Variants in PIWIL3 observed in about 807,000 individuals in gnomAD.
PIWIL3 encodes piwi-like protein 3.
PIWIL3 carries 101 observed loss-of-function variants against 109.7 expected under a neutral mutation model. That is an observed-to-expected ratio of 0.92 (90% CI 0.78 to 1.09). The LOEUF is 1.09. PIWIL3 is among the 50% of genes least tolerant of loss of function. PIWIL3 has a pLI of 0.00. For synonymous variants in PIWIL3, 373 were observed against 376.4 expected, an observed-to-expected ratio of 0.99 and a Z score of 0.10; for missense variants, 1,031 against 1,072.6, an observed-to-expected ratio of 0.96 and a Z score of 0.54.
rs766328237 is a variant in PIWIL3, at chr22:24,725,472, C to T, written c.2053G>A (p.Val685Met). ...CVIQKTGEEL[V>M]KELEICLKAA... The stretch of plus-strand genomic sequence containing the variant: ...TTCAAGCAGATCTCCAGCTCTTTCA[C>T]AAGCTCTTCTCCTGTTTTCTGGATG... The change falls in exon 17 of 21, where the codon GTG (valine) becomes ATG (methionine). Residue 685 changes from valine to methionine, a missense_variant. Val to Met is a conservative substitution (Grantham distance 21, BLOSUM62 1). Coordinates refer to ENST00000616349, the MANE Select transcript of PIWIL3 (RefSeq NM_001255975.1). The T allele has an allele frequency of 2.5e-6, 4 of 1,614,072 alleles. No individual in the cohort carries two copies. The highest frequency in any genetic ancestry group is 2.2e-5 in the South Asian group (2 of 91,084).
At chr22:24,749,898 T>C in intron 9 of PIWIL3, 79 bp from the exon 10 acceptor site, 3 of 1,603,310 alleles carry the variant, frequency 1.9e-6, no homozygotes, top group Non-Finnish European at 2.6e-6. Flanking sequence ...AAAGTGCATG[T>C]GTGGGACTAC....
At chr22:24,757,865 A>C (rs936954699) in intron 4 of PIWIL3, 43 bp downstream of exon 4, 2 of 1,550,902 alleles carry the variant, frequency 1.3e-6, no homozygotes, top group South Asian at 2.5e-5. Flanking sequence ...AAAAAAGTTA[A>C]AAACGAACAG....
In PIWIL3 at chr22:24,734,171, T is replaced by C. The variant is rs372523393; in HGVS notation, c.1635-15A>G. 2.5e-6 allele frequency: 4 copies of C among 1,608,582 alleles called. No homozygotes were observed. The East Asian group carries it at 6.7e-5, about 27-fold the overall frequency. ...CTACTTCAATCCTAAAAAATAAATA[T>C]AGCATCCACATCCAAAAGATACCAA... On this transcript the variant is annotated splice_polypyrimidine_tract_variant and intron_variant, in intron 13 of 20. Coordinates refer to ENST00000616349, the MANE Select transcript of PIWIL3 (RefSeq NM_001255975.1).
At chr22:24,770,156 G>T (rs985139189) in intron 1 of PIWIL3, among the ~76,000 whole-genome samples, 4 of 152,174 alleles carry the variant, frequency 2.6e-5, no homozygotes, top group Admixed American at 2.6e-4. Context: ...CTTTGTGAAG[G>T]GGGCAGTGAA....
Position 24,734,112 on chromosome 22 carries a change from C to T in PIWIL3, c.1679G>A (p.Arg560Gln), listed in dbSNP as rs149915066. 52 of 1,612,222 alleles carry T rather than the reference C, an allele frequency of 3.2e-5. No individual in the cohort carries two copies. The highest frequency in any genetic ancestry group is 3.9e-5 in the Non-Finnish European group (46 of 1,179,412). ...GDANSYIDTL[R>Q]KYTRPTLQMV... Reference sequence around the variant, plus strand: ...CTGCAGTGTTGGTCTAGTATATTTCCGTAATGTGTCTATATAGGAGTTAGC... The same window carrying T: ...CTGCAGTGTTGGTCTAGTATATTTCTGTAATGTGTCTATATAGGAGTTAGC... Residue 560 changes from arginine to glutamine, a missense_variant, in exon 14 of 21, where the codon CGG (arginine) becomes CAG (glutamine). By Grantham distance (43) the Arg-to-Gln change is conservative. Transcript: ENST00000616349.
chr22:24,734,245 T>G, intron 13 of PIWIL3, 89 bp from the exon 14 acceptor site: 1 of 1,514,664 alleles, frequency 6.6e-7, no homozygotes, highest in South Asian at 1.4e-5. Context: ...AAGTAAGACA[T>G]GATAAAATAC....
rs141862186 is a variant in PIWIL3, at chr22:24,733,516, A to G, written c.1707+568T>C. On this transcript the variant is annotated intron_variant, in intron 14 of 20. Coordinates refer to ENST00000616349, the MANE Select transcript of PIWIL3 (RefSeq NM_001255975.1). ...GACCAGTCTGGCCAACCTCATCTCT[A>G]TTAAAAATATAAAAATTAGCTGGGC... Among the ~76,000 whole-genome samples, 109 of 152,138 alleles carry G rather than the reference A, an allele frequency of 7.2e-4. 1 individual carries two copies. The highest frequency in any genetic ancestry group is 2.4e-3 in the African/African-American group (99 of 41,514).
intron 8 of PIWIL3, among the ~76,000 whole-genome samples, chr22:24,752,412 G>T (rs1213351461): frequency 6.6e-6 from 1 of 152,094 alleles, no homozygotes; most frequent in Admixed American, 6.5e-5. Context: ...CATAATGAAA[G>T]ATTAGGGTGG....
intron 13 of PIWIL3, among the ~76,000 whole-genome samples, chr22:24,735,345 T>C (rs968187481): frequency 1.3e-5 from 2 of 152,174 alleles, no homozygotes; most frequent in African/African-American, 2.4e-5. Context: ...TGGGGGAGGC[T>C]ATGCATTATT....
intron 12 of PIWIL3, among the ~76,000 whole-genome samples, chr22:24,741,360 C>T (rs1480071214): frequency 6.6e-6 from 1 of 152,108 alleles, no homozygotes; most frequent in Non-Finnish European, 1.5e-5. Context: ...TAAAAATTAG[C>T]CGGGCCTGGT....
rs146890323 is a variant in PIWIL3, at chr22:24,763,133, G to C, written c.-22-612C>G. ...CCTATAATAAAAGACAGGAGACCTG[G>C]TAAAACTTTTTTTTCTTTTTTTTTT... On this transcript the variant is annotated intron_variant, in intron 1 of 20. Coordinates refer to ENST00000616349, the MANE Select transcript of PIWIL3 (RefSeq NM_001255975.1). Among the ~76,000 whole-genome samples, 276 of 147,488 alleles carry C rather than the reference G, an allele frequency of 1.9e-3. 3 individuals are homozygous for C. Among genetic ancestry groups the C allele is most frequent in the African/African-American group, 6.6e-3 (262 of 39,636 alleles).
chr22:24,720,964 C>G (rs1922642415), intron 19 of PIWIL3, among the ~76,000 whole-genome samples: 2 of 152,156 alleles, frequency 1.3e-5, no homozygotes. Context: ...TTAATATACC[C>G]TATAAATTGT....
intron 4 of PIWIL3, among the ~76,000 whole-genome samples, chr22:24,757,533 C>A (rs1192529146): frequency 7.2e-6 from 1 of 137,950 alleles, no homozygotes; most frequent in Non-Finnish European, 1.6e-5. Flanking sequence ...TTCCTGTAAT[C>A]TCAGCAGTTT....
intron 14 of PIWIL3, among the ~76,000 whole-genome samples, chr22:24,730,097 A>G (rs770555022): frequency 6.6e-6 from 1 of 152,132 alleles, no homozygotes; most frequent in Non-Finnish European, 1.5e-5. Flanking sequence ...CTGGGCGCAG[A>G]GGCTTACGCC....
intron 16 of PIWIL3, among the ~76,000 whole-genome samples, chr22:24,727,123 A>C (rs938604242): frequency 3.9e-5 from 6 of 152,234 alleles, no homozygotes; most frequent in Non-Finnish European, 7.3e-5. Context: ...CTCTTTACCC[A>C]TGCACATCTG....
chr22:24,749,770 T>C lies in PIWIL3; in HGVS notation c.1139A>G (p.Gln380Arg). ...TVKKQPLLVSQGRWKKGLTGT... is the reference protein window; with the variant it reads ...TVKKQPLLVSRGRWKKGLTGT... ...CGTTAGGCCCTTTTTCCATCTGCCC[T>C]GGCTGACCAAAAGTGGCTGTTTCTT... The change falls in exon 10 of 21, where the codon CAG (glutamine) becomes CGG (arginine). Residue 380 changes from glutamine to arginine, a missense_variant. Coordinates refer to ENST00000616349, the MANE Select transcript of PIWIL3 (RefSeq NM_001255975.1). The C allele has an allele frequency of 6.2e-7, 1 of 1,613,976 alleles. No individual in the cohort carries two copies. The highest frequency in any genetic ancestry group is 8.5e-7 in the Non-Finnish European group (1 of 1,179,982).
At chr22:24,771,017 G>T (rs182282448) in intron 1 of PIWIL3, among the ~76,000 whole-genome samples, 1 of 151,924 alleles carries the variant, frequency 6.6e-6, no homozygotes, top group East Asian at 1.9e-4. Context: ...ATAGCCACCG[G>T]GAGAAGACAC....
intron 2 of PIWIL3, among the ~76,000 whole-genome samples, chr22:24,761,257 A>T (rs934865435): frequency 3.3e-5 from 5 of 152,126 alleles, no homozygotes; most frequent in Admixed American, 6.6e-5. Context: ...TGGAGAAAAA[A>T]GATGAGGCTC....
At chr22:24,752,128 T>C (rs1924747781) in intron 8 of PIWIL3, among the ~76,000 whole-genome samples, 1 of 152,158 alleles carries the variant, frequency 6.6e-6, no homozygotes, top group Non-Finnish European at 1.5e-5. Flanking sequence ...ATATAGGAGT[T>C]AAAATGGAAT....
Sources: allele counts gnomAD v4.1 joint callset (sites outside exome capture counted in the v4.1 genomes callset), GRCh38; gene constraint gnomAD v4.1.1; transcripts MANE v1.5; gene names NCBI Gene and HGNC (gene_info 2026-07-23, HGNC 2026-07-21).